The following CPA3 variants were observed in gnomAD, a reference collection of about 807,000 sequenced individuals.
The protein encoded by CPA3 is carboxypeptidase A3.
CPA3 carries 52 observed loss-of-function variants against 55.8 expected under a neutral mutation model. The observed-to-expected ratio is 0.93, with a 90% CI of 0.75 to 1.17. The LOEUF (loss-of-function observed/expected upper bound fraction) is 1.17, where lower values mean the gene tolerates loss of function less well. Among genes scored for constraint, CPA3 ranks in the 50% most tolerant of loss-of-function variants. The pLI is 0.00. For missense variants in CPA3, 547 were observed against 509.1 expected (o/e 1.07, Z -0.72); for synonymous variants, 179 against 171.2 (o/e 1.05, Z -0.36).
intron 5 of CPA3, among the ~76,000 whole-genome samples, chr3:148,879,527 A>AT (rs1714301564): frequency 1.3e-5 from 2 of 152,308 alleles, no homozygotes; most frequent in African/African-American, 4.8e-5. Context: ...TGGACTACAA[A>AT]TTTTTTTCAA....
chr3:148,885,408 T>C (rs1244497386), intron 9 of CPA3, among the ~76,000 whole-genome samples: 1 of 27,938 alleles, frequency 3.6e-5, no homozygotes, highest in African/African-American at 1.1e-4. Flanking sequence ...ATTTAAGTCT[T>C]TTTTTTTTTT....
intron 8 of CPA3, 51 bp from the exon 9 acceptor site, chr3:148,883,562 C>CTA (rs1714431761): frequency 1.4e-6 from 2 of 1,409,722 alleles, no homozygotes; most frequent in Middle Eastern, 3.5e-4. Flanking sequence ...GAGGCAGGAG[C>CTA]TATATGGATG....
intron 10 of CPA3, among the ~76,000 whole-genome samples, chr3:148,895,717 A>G (rs1714807200): frequency 1.3e-5 from 2 of 152,200 alleles, no homozygotes; most frequent in Non-Finnish European, 2.9e-5. Flanking sequence ...GCAGCTTTGA[A>G]TTCTTATCTT....
chr3:148,875,084 G>A (rs1185394725), intron 3 of CPA3, among the ~76,000 whole-genome samples: 1 of 152,142 alleles, frequency 6.6e-6, no homozygotes, highest in African/African-American at 2.4e-5. Flanking sequence ...CTGAACTGGG[G>A]TTGGAACCCA....
chr3:148,877,421 G>A (rs530495694), intron 3 of CPA3, among the ~76,000 whole-genome samples: 1 of 150,836 alleles, frequency 6.6e-6, no homozygotes, highest in South Asian at 2.1e-4. Flanking sequence ...TTGAACCCGG[G>A]AGGTGGAGGT....
At chr3:148,881,763 C>G in intron 7 of CPA3, 131 bp downstream of exon 7, 1 of 470,426 alleles carries the variant, frequency 2.1e-6, no homozygotes, top group Middle Eastern at 5.6e-4. Flanking sequence ...TTTAAAATCT[C>G]AGTTTCAAAT....
chr3:148,879,883 C>T lies in CPA3; in HGVS notation c.570C>T (p.Val190=). The T allele has an allele frequency of 2.5e-6, 4 of 1,609,584 alleles. No homozygotes were observed. Among genetic ancestry groups the T allele is most frequent in the Non-Finnish European group, 3.4e-6 (4 of 1,176,100 alleles). ...CCCCAGCATTCTGCCAGTGGTTTGT[C>T]TATCAGGTAAGTGAATCAGAAGACT... ...WVSPAFCQWF[V]YQATKTYGRN... Residue 190 remains valine, a synonymous_variant, in exon 6 of 11, where the codon GTC becomes GTT. Coordinates refer to ENST00000296046, the MANE Select transcript of CPA3 (RefSeq NM_001870.4).
intron 7 of CPA3, 67 bp from the exon 8 acceptor site, chr3:148,882,438 T>C: frequency 7.3e-7 from 1 of 1,362,946 alleles, no homozygotes. Context: ...CAGAGAGAAT[T>C]TGAAATGATC....
In CPA3 at chr3:148,888,690, G is replaced by A. The variant is rs550067222; in HGVS notation, c.1066+2513G>A. 2.6e-5 allele frequency among the ~76,000 whole-genome samples: 4 copies of A among 152,310 alleles called. No individual in the cohort carries two copies. In the East Asian group the frequency reaches 7.7e-4, roughly 29 times the overall value. On this transcript the variant is annotated intron_variant, in intron 10 of 10. Coordinates refer to ENST00000296046, the MANE Select transcript of CPA3 (RefSeq NM_001870.4). ...GAAAAACCCACAGATAGTCTTAGAG[G>A]CAAAGAACAAAGCATTCCAAACAGG... is the stretch of plus-strand genomic sequence containing the variant.
intron 3 of CPA3, among the ~76,000 whole-genome samples, chr3:148,871,275 A>G (rs1013779817): frequency 1.3e-5 from 2 of 152,184 alleles, no homozygotes; most frequent in Admixed American, 1.3e-4. Context: ...CTGGATTCCT[A>G]TGATAAACTA....
At chr3:148,893,047 C>T (rs1158473257) in intron 10 of CPA3, among the ~76,000 whole-genome samples, 3 of 151,912 alleles carry the variant, frequency 2.0e-5, no homozygotes, top group Non-Finnish European at 4.4e-5. Flanking sequence ...GGGTGATTAC[C>T]TGCTAAATTG....
At chr3:148,895,571 T>C (rs563102468) in intron 10 of CPA3, among the ~76,000 whole-genome samples, 8 of 152,334 alleles carry the variant, frequency 5.3e-5, no homozygotes, top group African/African-American at 1.4e-4. Flanking sequence ...CTTCTGCATT[T>C]TTGTACCCTG....
At chr3:148,872,830 G>A (rs1206595172) in intron 3 of CPA3, among the ~76,000 whole-genome samples, 2 of 152,138 alleles carry the variant, frequency 1.3e-5, no homozygotes, top group Non-Finnish European at 2.9e-5. Context: ...AGTGGGTTCT[G>A]AAGCAACGCT....
chr3:148,870,026 G>A (rs1162788196), intron 3 of CPA3: 3 of 136,274 alleles, frequency 2.2e-5, no homozygotes, highest in South Asian at 2.3e-4. Flanking sequence ...CTGGGAGGCA[G>A]AGGTTGCAGT....
At chr3:148,884,874 A>G (rs543907251) in intron 9 of CPA3, among the ~76,000 whole-genome samples, 15 of 152,170 alleles carry the variant, frequency 9.9e-5, no homozygotes, top group Non-Finnish European at 2.2e-4. Flanking sequence ...TCCACAAAAA[A>G]AAAAACCACT....
chr3:148,871,801 C>G (rs961406393), intron 3 of CPA3, among the ~76,000 whole-genome samples: 2 of 152,174 alleles, frequency 1.3e-5, no homozygotes, highest in African/African-American at 4.8e-5. Context: ...TTACCTCCCT[C>G]AGAAATATAA....
At chr3:148,896,371 T>G in intron 10 of CPA3, 149 bp from the exon 11 acceptor site, 1 of 555,058 alleles carries the variant, frequency 1.8e-6, no homozygotes, top group Non-Finnish European at 3.0e-6. Context: ...CTATGCACTC[T>G]GTACTATTCA....
chr3:148,889,068 A>G (rs1346519086), intron 10 of CPA3, among the ~76,000 whole-genome samples: 1 of 152,198 alleles, frequency 6.6e-6, no homozygotes, highest in Non-Finnish European at 1.5e-5. Context: ...TTTTTATTAC[A>G]TTATACTACA....
chr3:148,885,942 T>C lies in CPA3; in HGVS notation c.982-151T>C, dbSNP rs1156616368. ...AAATAGTACTGTCCATCTCATAGGG[T>C]TGTTATGAGTCTTGAAACTAAAGAT... On this transcript the variant is annotated intron_variant, in intron 9 of 10. Transcript: ENST00000296046. The C allele has an allele frequency of 1.3e-5, 8 of 624,282 alleles. No individual in the cohort carries two copies. The African/African-American group carries it at 1.5e-4, about 12-fold the overall frequency. 38.7% of individuals were successfully genotyped at this position (624,282 alleles called of 1,614,324 possible).
Sources: gnomAD v4.1 joint callset for allele counts (sites outside exome capture counted in the v4.1 genomes callset) on GRCh38, gnomAD v4.1.1 for gene constraint, MANE v1.5 for transcripts, NCBI Gene and HGNC (gene_info 2026-07-23, HGNC 2026-07-21) for gene names.